The following ADGB variants were observed in gnomAD, a reference collection of about 807,000 sequenced individuals.
ADGB encodes the protein androglobin, also known as calpain-7-like protein.
A neutral mutation model predicts 210.5 loss-of-function variants in ADGB; 172 were observed. That is an observed-to-expected ratio of 0.82 (90% CI 0.72 to 0.93). The LOEUF is 0.93. Ranked by LOEUF, ADGB falls within the 40% of genes least tolerant of loss-of-function variation. The pLI is 0.00. For synonymous variants in ADGB, 658 were observed against 662.7 expected (o/e 0.99, Z 0.11); for missense variants, 2,025 against 1,964.8 (o/e 1.03, Z -0.58).
At chr6:146,660,475 A>T (rs186948713) in intron 5 of ADGB, among the ~76,000 whole-genome samples, 2 of 152,260 alleles carry the variant, frequency 1.3e-5, no homozygotes, top group East Asian at 3.9e-4. Context: ...TTATAAACAT[A>T]CATAAAGCTA....
At chr6:146,676,957 A>G (rs1776094637) in intron 9 of ADGB, among the ~76,000 whole-genome samples, 1 of 152,188 alleles carries the variant, frequency 6.6e-6, no homozygotes, top group African/African-American at 2.4e-5. Flanking sequence ...GACTGGGTGG[A>G]TGTACAAGAA....
intron 11 of ADGB, among the ~76,000 whole-genome samples, 192 bp from the exon 12 acceptor site, chr6:146,692,633 T>C (rs1776345561): frequency 6.6e-6 from 1 of 152,196 alleles, no homozygotes; most frequent in South Asian, 2.1e-4. Flanking sequence ...CAAAAGAAAT[T>C]GAATACCGTA....
intron 12 of ADGB, among the ~76,000 whole-genome samples, chr6:146,693,748 C>A (rs181461491): frequency 2.0e-5 from 3 of 152,070 alleles, no homozygotes; most frequent in African/African-American, 7.2e-5. Flanking sequence ...GAAGCCACGC[C>A]GCACTTTCAA....
At chr6:146,653,442 C>T (rs1775733253) in intron 3 of ADGB, among the ~76,000 whole-genome samples, 2 of 152,148 alleles carry the variant, frequency 1.3e-5, no homozygotes, top group African/African-American at 2.4e-5. Flanking sequence ...ACTTTTTAAT[C>T]TCTCAGTTTG....
In ADGB at chr6:146,635,377, TC is replaced by T. The variant is rs372104081; in HGVS notation, c.78del (p.Tyr27IlefsTer30). On this transcript the variant is annotated frameshift_variant, in exon 2 of 36. Transcript: ENST00000397944. LOFTEE classifies it high-confidence loss of function. ...ACCCACTCTCTGTCTCTGTCTAGTT[TC>T]TATCCTTTTGGCAGTAATGTACAAT... The part of the protein sequence containing the change: ...SAHGSDKSKD[F>X]YPFGSNVQSG... 4.3e-4 allele frequency: 643 copies of T among 1,508,232 alleles called. No individual in the cohort carries two copies. The African/African-American group carries it at 8.4e-3, about 20-fold the overall frequency. 93.4% of individuals were successfully genotyped at this position (1,508,232 alleles called of 1,614,324 possible).
chr6:146,691,308 T>G lies in ADGB; in HGVS notation c.1486+18T>G, dbSNP rs763938526. ...AGCTCAAGGTATGTATCACATCATC[T>G]TCAAATCCTTCTAATTAATGTATGA... On this transcript the variant is annotated intron_variant, in intron 11 of 35. Transcript: ENST00000397944. 6.6e-7 allele frequency: 1 copy of G among 1,512,072 alleles called. No homozygotes were observed. The highest frequency in any genetic ancestry group is 1.3e-5 in the South Asian group (1 of 78,240). The allele number at this position is 1,512,072 out of a possible 1,614,324, so 93.7% of individuals were successfully genotyped here. A position where few individuals can be genotyped will look rare whatever the true frequency, so the allele number is the denominator to read the frequency against.
At chr6:146,784,531 A>C in intron 30 of ADGB, 87 bp from the exon 31 acceptor site, 1 of 1,039,130 alleles carries the variant, frequency 9.6e-7, no homozygotes, top group Non-Finnish European at 1.3e-6. Context: ...TAAATACCTA[A>C]TAGTGAAATT....
intron 9 of ADGB, among the ~76,000 whole-genome samples, chr6:146,682,666 G>C (rs1211803745): frequency 6.6e-6 from 1 of 152,052 alleles, no homozygotes; most frequent in Non-Finnish European, 1.5e-5. Flanking sequence ...TTGCCTTTAA[G>C]ATATTCTAAA....
intron 1 of ADGB, among the ~76,000 whole-genome samples, chr6:146,615,536 CTTCT>C (rs1309434627): frequency 6.6e-6 from 1 of 152,128 alleles, no homozygotes; most frequent in Admixed American, 6.5e-5. Flanking sequence ...AAACTTACTC[CTTCT>C]ATCTAACTGT....
At chr6:146,775,816 T>C (rs1583633489) in intron 29 of ADGB, among the ~76,000 whole-genome samples, 1 of 151,708 alleles carries the variant, frequency 6.6e-6, no homozygotes, top group East Asian at 1.9e-4. Flanking sequence ...ATGTTATATG[T>C]ATATTATTTA....
intron 1 of ADGB, among the ~76,000 whole-genome samples, chr6:146,627,192 TATA>T (rs147168097): frequency 0.26 from 39,803 of 151,912 alleles, 5,522 homozygotes; most frequent in African/African-American, 0.36. Flanking sequence ...ACCAACCGAA[TATA>T]ATAACTATAT....
chr6:146,770,813 G>A (rs1163693429), intron 29 of ADGB, among the ~76,000 whole-genome samples: 1 of 152,132 alleles, frequency 6.6e-6, no homozygotes, highest in Admixed American at 6.6e-5. Context: ...GCAGACAATG[G>A]GGTGTTCAAA....
At chr6:146,631,245 G>T (rs556307921) in intron 1 of ADGB, among the ~76,000 whole-genome samples, 1 of 152,266 alleles carries the variant, frequency 6.6e-6, no homozygotes, top group Admixed American at 6.5e-5. Context: ...ACACTACAAA[G>T]AATATTTCTT....
chr6:146,728,026 C>T (rs989347969), intron 19 of ADGB, among the ~76,000 whole-genome samples: 9 of 152,142 alleles, frequency 5.9e-5, no homozygotes, highest in African/African-American at 2.2e-4. Context: ...CATGCTGCTT[C>T]CAGGCAACTC....
At chr6:146,713,825 A>G (rs1371069175) in intron 13 of ADGB, among the ~76,000 whole-genome samples, 1 of 152,008 alleles carries the variant, frequency 6.6e-6, no homozygotes, top group African/African-American at 2.4e-5. Context: ...AATAATTGCC[A>G]AATCCAGTGT....
chr6:146,803,489 TCTTTCTGCGATAGATCA>T, intron 35 of ADGB: 1 of 1,605,486 alleles, frequency 6.2e-7, no homozygotes, highest in Non-Finnish European at 8.5e-7. Context: ...TGATGAACTT[TCTTTCTGCGATAGATCA>T]CTTTACGAAG....
intron 1 of ADGB, among the ~76,000 whole-genome samples, chr6:146,632,981 C>T (rs1297661875): frequency 6.6e-6 from 1 of 152,040 alleles, no homozygotes; most frequent in Non-Finnish European, 1.5e-5. Flanking sequence ...TAAATACCAC[C>T]TAGATGCTGA....
At chr6:146,769,938 T>G (rs17535206) in intron 29 of ADGB, among the ~76,000 whole-genome samples, 8,840 of 152,260 alleles carry the variant, frequency 0.058, 281 homozygotes, top group Middle Eastern at 0.075. Context: ...TACAACACGC[T>G]TATGATAAGA....
intron 26 of ADGB, among the ~76,000 whole-genome samples, chr6:146,749,857 AC>A (rs1317882293): frequency 6.6e-6 from 1 of 152,102 alleles, no homozygotes; most frequent in Non-Finnish European, 1.5e-5. Flanking sequence ...GAAGTGCTAT[AC>A]ACTTTCAAAC....
Sources: gnomAD v4.1 joint callset for allele counts (sites outside exome capture counted in the v4.1 genomes callset) on GRCh38, gnomAD v4.1.1 for gene constraint, MANE v1.5 for transcripts, NCBI Gene and HGNC (gene_info 2026-07-23, HGNC 2026-07-21) for gene names.